NCKAP5: variants seen among roughly 807,000 people sequenced by gnomAD.
NCKAP5 encodes the protein NCK associated protein 5.
In NCKAP5, 92 loss-of-function variants were observed where a neutral mutation model predicts 167.0. The ratio of observed to expected loss-of-function variants is 0.55; its 90% CI spans 0.47 to 0.66. The LOEUF (loss-of-function observed/expected upper bound fraction) is 0.66. NCKAP5 is among the 30% of genes least tolerant of loss of function. The probability of loss-of-function intolerance (pLI) is 0.00; values close to 1 mark genes in which losing one functional copy is unlikely to be tolerated. For synonymous variants in NCKAP5, 891 were observed against 877.4 expected (o/e 1.02, Z -0.27); for missense variants, 2,378 against 2,315.0 (o/e 1.03, Z -0.56).
intron 10 of NCKAP5, among the ~76,000 whole-genome samples, chr2:132,863,065 C>G (rs1426670850): frequency 6.6e-6 from 1 of 152,028 alleles, no homozygotes; most frequent in Non-Finnish European, 1.5e-5. Flanking sequence ...CGTGATCCAC[C>G]CACCTTGGCC....
At chr2:133,635,240 T>A in the NCKAP5 span, among the ~76,000 whole-genome samples, 1 of 152,150 alleles carries the variant, frequency 6.6e-6, no homozygotes, top group African/African-American at 2.4e-5. Context: ...AATCTACAGG[T>A]TATAAATACT....
chr2:132,959,610 T>C (rs1268880798), intron 8 of NCKAP5, among the ~76,000 whole-genome samples: 4 of 152,134 alleles, frequency 2.6e-5, no homozygotes, highest in Admixed American at 6.5e-5. Context: ...TCAAGGAACA[T>C]GCCATGAGCA....
chr2:133,226,850 A>T (rs1490795573), intron 4 of NCKAP5, among the ~76,000 whole-genome samples: 1 of 152,180 alleles, frequency 6.6e-6, no homozygotes, highest in Non-Finnish European at 1.5e-5. Context: ...CATCTGCAGT[A>T]CTTTGTTACA....
chr2:133,333,890 G>A (rs1003484119), intron 3 of NCKAP5: 1 of 152,176 alleles, frequency 6.6e-6, no homozygotes, highest in Non-Finnish European at 1.5e-5. Flanking sequence ...ATGGCCCTGT[G>A]CAAGGATGAC....
At chr2:132,937,384 T>G (rs2149085017) in intron 8 of NCKAP5, among the ~76,000 whole-genome samples, 1 of 152,266 alleles carries the variant, frequency 6.6e-6, no homozygotes, top group African/African-American at 2.4e-5. Flanking sequence ...TTAAAAACAT[T>G]TACTTAAAAG....
At chr2:133,193,955 G>A (rs2085334077) in intron 5 of NCKAP5, among the ~76,000 whole-genome samples, 1 of 152,060 alleles carries the variant, frequency 6.6e-6, no homozygotes, top group South Asian at 2.1e-4. Context: ...CAGCGGCTGT[G>A]TTACAGTTGC....
intron 11 of NCKAP5, among the ~76,000 whole-genome samples, chr2:132,809,097 G>C (rs918454241): frequency 6.6e-6 from 1 of 152,080 alleles, no homozygotes; most frequent in African/African-American, 2.4e-5. Context: ...TTTTGGAGTT[G>C]ATTTCCAGTT....
rs1688374078 is a variant in NCKAP5, at chr2:132,842,667, C to A, written c.807+17825G>T. The stretch of plus-strand genomic sequence containing the variant: ...TGGGCTCCAATCCTCCCACTTCAGC[C>A]TCCCAAGTAGCTTGGATTACAAGTG... On this transcript the variant is annotated intron_variant, in intron 11 of 19. Coordinates refer to ENST00000409261, the MANE Select transcript of NCKAP5 (RefSeq NM_207363.3). Among the ~76,000 whole-genome samples, 2 of 152,112 alleles carry A rather than the reference C, an allele frequency of 1.3e-5. 1 individual carries two copies. The highest frequency in any genetic ancestry group is 4.2e-4 in the South Asian group (2 of 4,806).
intron 3 of NCKAP5, among the ~76,000 whole-genome samples, chr2:133,388,987 G>A (rs1687204506): frequency 6.6e-6 from 1 of 152,216 alleles, no homozygotes; most frequent in Non-Finnish European, 1.5e-5. Context: ...CGCTTCCCAG[G>A]TGAGGTGATG....
chr2:133,014,584 A>T (rs1029203081), intron 6 of NCKAP5, among the ~76,000 whole-genome samples: 2 of 152,198 alleles, frequency 1.3e-5, no homozygotes, highest in Non-Finnish European at 2.9e-5. Context: ...TTTTTGGTTT[A>T]TCAAACTTTG....
chr2:132,783,428 T>A lies in NCKAP5; in HGVS notation c.3383A>T (p.His1128Leu). Residue 1128 changes from histidine to leucine, a missense_variant, in exon 14 of 20, where the codon CAT becomes CTT. By Grantham distance (99) the His-to-Leu change is moderately conservative. Around this residue, in one of 3 missense-constraint regions of NCKAP5, gnomAD observed 1,325 missense variants for 1,274.5 expected, o/e 1.04. Transcript: ENST00000409261. ...SSSSSSPAKS[H>L]NSPHGCQSAH... ...ACTTTGACAACCATGAGGGCTGTTA[T>A]GGCTTTTGGCGGGTGATGAGGATGA... 6.3e-7 allele frequency: 1 copy of A among 1,587,456 alleles called. No homozygotes were observed. The highest frequency in any genetic ancestry group is 8.6e-7 in the Non-Finnish European group (1 of 1,167,160).
At chr2:132,787,806 T>C (rs150331062) in intron 13 of NCKAP5, among the ~76,000 whole-genome samples, 13 of 152,258 alleles carry the variant, frequency 8.5e-5, no homozygotes, top group Non-Finnish European at 1.6e-4. Context: ...TGTAAGTTTC[T>C]AAGAATTTCC....
At chr2:132,987,017 T>G (rs933357375) in intron 7 of NCKAP5, among the ~76,000 whole-genome samples, 1 of 152,116 alleles carries the variant, frequency 6.6e-6, no homozygotes, top group African/African-American at 2.4e-5. Context: ...TTGGGTTAGA[T>G]GAAAGTTGCC....
At chr2:133,571,396 C>T (rs1237437444), upstream of NCKAP5, among the ~76,000 whole-genome samples, 1 of 152,038 alleles carries the variant, frequency 6.6e-6, no homozygotes, top group Non-Finnish European at 1.5e-5. Context: ...TCCTCACCAC[C>T]TCTACCTACT....
chr2:133,453,496 A>G (rs1691669960), intron 3 of NCKAP5, among the ~76,000 whole-genome samples: 1 of 152,156 alleles, frequency 6.6e-6, no homozygotes, highest in South Asian at 2.1e-4. Context: ...AACCCTTGTG[A>G]ACAAAGATGT....
chr2:133,561,104 A>G (rs1688123656), intron 1 of NCKAP5, among the ~76,000 whole-genome samples: 1 of 152,234 alleles, frequency 6.6e-6, no homozygotes, highest in Admixed American at 6.5e-5. Context: ...TTATAGAAAT[A>G]AATAAGATGC....
chr2:132,879,716 C>A (rs1401394232), intron 8 of NCKAP5, among the ~76,000 whole-genome samples: 1 of 152,192 alleles, frequency 6.6e-6, no homozygotes, highest in Admixed American at 6.5e-5. Context: ...CCGCTCTAAG[C>A]CCACAAGCAA....
intron 4 of NCKAP5, among the ~76,000 whole-genome samples, chr2:133,223,959 G>C (rs917413427): frequency 6.6e-6 from 1 of 152,174 alleles, no homozygotes; most frequent in Admixed American, 6.5e-5. Flanking sequence ...GGAATACAGA[G>C]ATAGTTAGTA....
In NCKAP5 at chr2:132,773,852, C is replaced by T. The variant is rs533945076; in HGVS notation, c.5092G>A (p.Ala1698Thr). Reference protein sequence around the residue: ...NENLQEDEDDAVADSVFQSHI... With the variant: ...NENLQEDEDDTVADSVFQSHI... ...CTCTGAAATACAGAATCTGCAACTGCATCGTCTTCATCCTCTTGCAAGTTT... is the reference window on the plus strand; with the variant it reads ...CTCTGAAATACAGAATCTGCAACTGTATCGTCTTCATCCTCTTGCAAGTTT... Residue 1698 changes from alanine (A) to threonine (T), a missense_variant, in exon 16 of 20, where the codon GCA becomes ACA. Physicochemically the swap from Ala to Thr is moderately conservative, Grantham distance 58. Around this residue, in one of 3 missense-constraint regions of NCKAP5, gnomAD observed 1,325 missense variants for 1,274.5 expected, o/e 1.04. Transcript: ENST00000409261. The T allele has an allele frequency of 1.2e-6, 2 of 1,611,316 alleles. No individual in the cohort carries two copies. The highest frequency in any genetic ancestry group is 1.7e-4 in the Middle Eastern group (1 of 5,980).
Sources: gnomAD v4.1 joint callset for allele counts (sites outside exome capture counted in the v4.1 genomes callset) on GRCh38, gnomAD v4.1.1 for gene constraint, gnomAD v4.1.1 regional missense constraint, MANE v1.5 for transcripts, NCBI Gene and HGNC (gene_info 2026-07-23, HGNC 2026-07-21) for gene names.